RGS12: variants seen among roughly 807,000 people sequenced by gnomAD.
The protein encoded by RGS12 is regulator of G protein signaling 12, also known as regulator of G-protein signaling 12.
A neutral mutation model predicts 120.1 loss-of-function variants in RGS12; 66 were observed. The ratio of observed to expected loss-of-function variants is 0.55; its 90% CI spans 0.45 to 0.67. The LOEUF is 0.67. Among genes scored for constraint, RGS12 ranks in the 30% least tolerant of loss-of-function variants. The pLI, the probability that RGS12 is intolerant of heterozygous loss-of-function variation, is 0.00. For missense variants in RGS12, 1,859 were observed against 1,957.7 expected (o/e 0.95, Z 0.95); for synonymous variants, 827 against 804.7 (o/e 1.03, Z -0.47).
chr4:3,379,250 A>T (rs1718024028), intron 3 of RGS12, among the ~76,000 whole-genome samples: 1 of 152,146 alleles, frequency 6.6e-6, no homozygotes, highest in South Asian at 2.1e-4. Context: ...CAGACTTCCA[A>T]TTATAAGATG....
intron 3 of RGS12, among the ~76,000 whole-genome samples, chr4:3,358,035 T>C (rs150871906): frequency 2.0e-5 from 3 of 152,344 alleles, no homozygotes; most frequent in Non-Finnish European, 4.4e-5. Flanking sequence ...AGCAATGTTT[T>C]CTAGTTTTCA....
intron 3 of RGS12, among the ~76,000 whole-genome samples, chr4:3,358,732 G>C (rs1715129929): frequency 6.6e-6 from 1 of 151,902 alleles, no homozygotes; most frequent in Non-Finnish European, 1.5e-5. Context: ...CAGTTTGCTA[G>C]TATTTGGTTG....
intron 17 of RGS12, among the ~76,000 whole-genome samples, chr4:3,434,554 G>C (rs1369777050): frequency 6.6e-6 from 1 of 152,170 alleles, no homozygotes; most frequent in Non-Finnish European, 1.5e-5. Flanking sequence ...TTCTCGTGGG[G>C]AGGGAGCAGC....
At chr4:3,312,052 A>T (rs1220424823) in intron 1 of RGS12, among the ~76,000 whole-genome samples, 1 of 152,210 alleles carries the variant, frequency 6.6e-6, no homozygotes, top group South Asian at 2.1e-4. Flanking sequence ...TGTAGGGGGA[A>T]GTTGGAGCTT....
intron 17 of RGS12, among the ~76,000 whole-genome samples, chr4:3,436,494 G>C (rs573806519): frequency 6.6e-6 from 1 of 152,306 alleles, no homozygotes; most frequent in South Asian, 2.1e-4. Flanking sequence ...GGGGTCCCTC[G>C]GGGGGCAGGA....
chr4:3,395,915 T>A (rs960278799), intron 4 of RGS12, among the ~76,000 whole-genome samples: 2 of 152,164 alleles, frequency 1.3e-5, no homozygotes, highest in African/African-American at 4.8e-5. Flanking sequence ...GATACTTGAG[T>A]CCCTGATATA....
At chr4:3,341,908 G>A (rs1398037644) in intron 2 of RGS12, among the ~76,000 whole-genome samples, 1 of 150,518 alleles carries the variant, frequency 6.6e-6, no homozygotes, top group Non-Finnish European at 1.5e-5. Flanking sequence ...ACAATGGGTG[G>A]GGTAGGAAGG....
At chr4:3,305,035 C>T (rs1294851701) in intron 1 of RGS12, among the ~76,000 whole-genome samples, 1 of 152,170 alleles carries the variant, frequency 6.6e-6, no homozygotes, top group African/African-American at 2.4e-5. Flanking sequence ...TTTCCAGGGT[C>T]GCTAATATCG....
intron 4 of RGS12, among the ~76,000 whole-genome samples, chr4:3,400,327 A>G (rs893716878): frequency 6.6e-6 from 1 of 152,254 alleles, no homozygotes; most frequent in Non-Finnish European, 1.5e-5. Context: ...ATGCAAAGAT[A>G]GTTCACCCTT....
chr4:3,335,039 T>C (rs1055691523), intron 2 of RGS12, among the ~76,000 whole-genome samples: 1 of 152,270 alleles, frequency 6.6e-6, no homozygotes, highest in Non-Finnish European at 1.5e-5. Flanking sequence ...GAAGAAATTA[T>C]GTGCTTTGTT....
intron 6 of RGS12, 150 bp downstream of exon 6, chr4:3,414,994 AGGGGCGTGT>A (rs1722200828): frequency 9.5e-6 from 3 of 314,640 alleles, no homozygotes; most frequent in African/African-American, 4.9e-5. Context: ...GTTGCGTGTG[AGGGGCGTGT>A]GAGGGGCGTG....
intron 3 of RGS12, among the ~76,000 whole-genome samples, chr4:3,363,933 C>T (rs74777291): frequency 0.018 from 2,734 of 152,202 alleles, 88 homozygotes; most frequent in African/African-American, 0.058. Flanking sequence ...GGGGAGGGCA[C>T]AGGCCCCCCA....
upstream of RGS12, among the ~76,000 whole-genome samples, chr4:3,292,737 G>A (rs780005940): frequency 1.3e-5 from 2 of 152,222 alleles, no homozygotes; most frequent in Non-Finnish European, 2.9e-5. Context: ...GGGCCAGTGC[G>A]GGTACACACC....
chr4:3,288,417 C>G (rs761404781), upstream of RGS12, among the ~76,000 whole-genome samples: 11 of 152,194 alleles, frequency 7.2e-5, no homozygotes, highest in African/African-American at 9.7e-5. This position sits in a 1 kb window ranked among gnomAD's most constrained non-coding sequence, Gnocchi z 5.2. Context: ...GCCTGGCTTC[C>G]TGGTGCAGCT....
intron 3 of RGS12, among the ~76,000 whole-genome samples, chr4:3,363,554 G>A (rs947305977): frequency 6.7e-6 from 1 of 148,892 alleles, no homozygotes. Context: ...AGGGGTGTGC[G>A]GGTTCTGCGT....
intron 4 of RGS12, among the ~76,000 whole-genome samples, chr4:3,408,117 G>T (rs898909055): frequency 6.6e-6 from 1 of 152,196 alleles, no homozygotes; most frequent in Non-Finnish European, 1.5e-5. Context: ...CAGCACCAGA[G>T]AATCAGGCAA....
intron 4 of RGS12, among the ~76,000 whole-genome samples, chr4:3,388,891 G>A (rs1455154744): frequency 3.3e-5 from 5 of 152,218 alleles, no homozygotes; most frequent in Non-Finnish European, 5.9e-5. Flanking sequence ...GTTTTTATGG[G>A]AAAAATGCTC....
intron 3 of RGS12, among the ~76,000 whole-genome samples, chr4:3,370,755 A>T (rs1716894748): frequency 6.6e-6 from 1 of 152,238 alleles, no homozygotes; most frequent in Non-Finnish European, 1.5e-5. Context: ...TCTAAATATG[A>T]TGAGTTGATT....
rs543703062 is a variant in RGS12 at position 3,372,615 on chromosome 4, C to T, written c.1999-13801C>T. 6.6e-6 allele frequency among the ~76,000 whole-genome samples: 1 copy of T among 152,370 alleles called. No homozygotes were observed. Among genetic ancestry groups the T allele is most frequent in the African/African-American group, 2.4e-5 (1 of 41,586 alleles). ...TGTGTGGCCGGCATGGAGGTGGCGG[C>T]GGCCATCAGGGTGTGGTTTTGTGAC... On this transcript the variant is annotated intron_variant, in intron 3 of 17. Coordinates refer to ENST00000336727, the MANE Select transcript of RGS12 (RefSeq NM_001394154.1). The surrounding 1 kb of genome is among the most constrained non-coding windows in gnomAD (Gnocchi z 4.3).
Sources: allele counts gnomAD v4.1 joint callset (sites outside exome capture counted in the v4.1 genomes callset), GRCh38; gene constraint gnomAD v4.1.1; non-coding constraint Gnocchi (gnomAD v3.1); transcripts MANE v1.5; gene names NCBI Gene and HGNC (gene_info 2026-07-23, HGNC 2026-07-21).